NHSL2: variants seen among roughly 807,000 people sequenced by gnomAD.
NHSL2 encodes the protein NHS like 2, also known as NHS-like protein 2.
NHSL2 carries 27 observed loss-of-function variants against 53.4 expected under a neutral mutation model. The ratio of observed to expected loss-of-function variants is 0.51; its 90% CI spans 0.37 to 0.70. NHSL2 has a LOEUF of 0.70. NHSL2 is among the 30% of genes least tolerant of loss of function. The probability of loss-of-function intolerance (pLI) is 0.00; values close to 1 mark genes in which losing one functional copy is unlikely to be tolerated. For missense variants in NHSL2, 892 were observed against 980.1 expected, an observed-to-expected ratio of 0.91 and a Z score of 1.20; for synonymous variants, 408 against 404.1, an observed-to-expected ratio of 1.01 and a Z score of -0.12.
At chrX:72,037,152 G>T (rs2042245141) in intron 1 of NHSL2, among the ~76,000 whole-genome samples, 1 of 112,387 alleles carries the variant, frequency 8.9e-6, no homozygotes, top group Admixed American at 9.4e-5. Flanking sequence ...GGGCACAGTG[G>T]CTCACGCCTG....
rs180723036 is a variant in NHSL2, at chrX:71,976,740, G to C, written c.280+65373G>C. 1.2e-3 allele frequency among the ~76,000 whole-genome samples: 138 copies of C among 112,428 alleles called. 1 individual carries two copies. Among genetic ancestry groups the C allele is most frequent in the Non-Finnish European group, 7.1e-4 (38 of 53,300 alleles). On this transcript the variant is annotated intron_variant, in intron 1 of 7. Transcript: ENST00000633930. ...CCTGGAAGTGGAGGAAGCAGGATTT[G>C]ACTCCAGATCTGTCTGACTAAAGCC...
At chrX:71,923,189 G>A (rs1371030284) in intron 1 of NHSL2, among the ~76,000 whole-genome samples, 1 of 111,496 alleles carries the variant, frequency 9.0e-6, no homozygotes, top group East Asian at 2.8e-4. Context: ...GTCCCCTCCA[G>A]GTAGAGGGAT....
intron 1 of NHSL2, among the ~76,000 whole-genome samples, chrX:71,984,757 T>C (rs866681083): frequency 1.8e-5 from 2 of 111,946 alleles, no homozygotes; most frequent in Non-Finnish European, 3.8e-5. Context: ...TTGTATAAAG[T>C]GCAGCAAGAA....
At position 72,139,997 on chromosome X, in the gene NHSL2, C is replaced by A. The variant is rs748609181; in HGVS notation, c.2449C>A (p.Gln817Lys). The A allele has an allele frequency of 8.3e-7, 1 of 1,210,470 alleles. No individual in the cohort carries two copies. Among genetic ancestry groups the A allele is most frequent in the South Asian group, 1.8e-5 (1 of 56,674 alleles). Residue 817 changes from glutamine (Q) to lysine (K), a missense_variant, in exon 6 of 8, where the codon CAG (glutamine) becomes AAG (lysine). Gln to Lys is a moderately conservative substitution (Grantham distance 53). Coordinates refer to ENST00000633930, the MANE Select transcript of NHSL2 (RefSeq NM_001013627.3). ...GCTGGCCCAGAAAACTAATCCCAAC[C>A]AGCCAATCATGCCTATGGTTACTCA... The part of the protein sequence containing the change: ...VKLAQKTNPN[Q>K]PIMPMVTQSD...
intron 1 of NHSL2, among the ~76,000 whole-genome samples, chrX:71,955,070 G>A (rs1178301875): frequency 8.9e-6 from 1 of 111,798 alleles, no homozygotes. Flanking sequence ...TACCCACCAT[G>A]CCCTAAACGC....
chrX:71,942,972 CTGTGTGTGTGTGTGTGTGTG>C (rs58935869), intron 1 of NHSL2, among the ~76,000 whole-genome samples: 12 of 74,025 alleles, frequency 1.6e-4, no homozygotes, highest in African/African-American at 6.0e-4. Flanking sequence ...CTCTCTCTCT[CTGTGTGTGTGTGTGTGTGTG>C]TGTGTGTGTG....
chrX:72,151,620 C>T lies in NHSL2; in HGVS notation c.*8046C>T, dbSNP rs1362477224. The T allele has an allele frequency of 9.0e-6, 1 of 111,687 alleles. No individual in the cohort carries two copies. The highest frequency in any genetic ancestry group is 3.3e-5 in the African/African-American group (1 of 30,672). The allele number at this position is 111,687 out of a possible 1,213,427, so 9.2% of individuals were successfully genotyped here. A position where few individuals can be genotyped will look rare whatever the true frequency, so the allele number is the denominator to read the frequency against. On this transcript the variant is annotated 3_prime_UTR_variant, in exon 8 of 8. Coordinates refer to ENST00000633930, the MANE Select transcript of NHSL2 (RefSeq NM_001013627.3). ...AGTGTAGAAACCCTCATTTTTTTCCCCAGACCTATCCTTGTTACCCAATGT... is the reference window on the plus strand; with the variant it reads ...AGTGTAGAAACCCTCATTTTTTTCCTCAGACCTATCCTTGTTACCCAATGT...
rs988558297 is a variant in NHSL2 at position 72,062,154 on chromosome X, A to C, written c.281-69925A>C. On this transcript the variant is annotated intron_variant, in intron 1 of 7. Transcript: ENST00000633930. The stretch of plus-strand genomic sequence containing the variant: ...GAGAACAAAGCCTGAAAGATAATAG[A>C]GTGCAATACATGTTTGTTACTTTCT... Among the ~76,000 whole-genome samples the C allele has an allele frequency of 4.5e-5, 5 of 112,282 alleles. No homozygotes were observed. The Admixed American group carries it at 4.7e-4, about 11-fold the overall frequency.
intron 1 of NHSL2, chrX:72,027,592 C>T (rs2042192235): frequency 9.0e-6 from 1 of 111,539 alleles, no homozygotes; most frequent in South Asian, 3.8e-4. Flanking sequence ...CCAGGAGGTT[C>T]CAGAGCCCAG....
intron 1 of NHSL2, among the ~76,000 whole-genome samples, chrX:72,049,045 A>G (rs201070990): frequency 0.04 from 1,287 of 32,307 alleles, 31 homozygotes; most frequent in African/African-American, 0.083. Flanking sequence ...AAGAGGAAGA[A>G]GAAGAAGAAG....
At chrX:71,955,334 G>T (rs1016551293) in intron 1 of NHSL2, among the ~76,000 whole-genome samples, 1 of 111,162 alleles carries the variant, frequency 9.0e-6, no homozygotes, top group Non-Finnish European at 1.9e-5. Context: ...ATGCTGTTTT[G>T]TATTGGTAAA....
At chrX:72,088,779 G>GAAAA (rs2041872216) in intron 1 of NHSL2, among the ~76,000 whole-genome samples, 1 of 111,970 alleles carries the variant, frequency 8.9e-6, no homozygotes, top group Admixed American at 9.4e-5. Context: ...AAAAAGAAAG[G>GAAAA]AAAAAGTTCG....
chrX:72,072,010 C>T (rs987879845), intron 1 of NHSL2, among the ~76,000 whole-genome samples: 1 of 112,318 alleles, frequency 8.9e-6, no homozygotes, highest in African/African-American at 3.2e-5. Flanking sequence ...CTCCTGGGCA[C>T]GCCCAACACA....
chrX:72,021,194 C>T (rs1020342963), intron 1 of NHSL2, among the ~76,000 whole-genome samples: 2 of 112,773 alleles, frequency 1.8e-5, no homozygotes, highest in African/African-American at 6.5e-5. Context: ...TCTCCAATCA[C>T]TTATTCATTT....
At chrX:72,029,584 C>G (rs1285418205) in intron 1 of NHSL2, among the ~76,000 whole-genome samples, 1 of 112,877 alleles carries the variant, frequency 8.9e-6, no homozygotes, top group Non-Finnish European at 1.9e-5. Context: ...AGGGATACCT[C>G]CAAGCTCAAC....
intron 1 of NHSL2, among the ~76,000 whole-genome samples, chrX:71,945,616 T>C (rs1159173466): frequency 8.9e-6 from 1 of 111,999 alleles, no homozygotes; most frequent in Non-Finnish European, 1.9e-5. Context: ...GTTGTTGATA[T>C]AGAAGATAGT....
At chrX:72,079,437 T>C (rs1271942549) in intron 1 of NHSL2, among the ~76,000 whole-genome samples, 1 of 112,297 alleles carries the variant, frequency 8.9e-6, no homozygotes, top group African/African-American at 3.2e-5. Context: ...CCTTTAGCTG[T>C]TGGGCCTTGG....
Position 71,928,505 on chromosome X carries a change from A to C in NHSL2, c.280+17138A>C, listed in dbSNP as rs377748622. On this transcript the variant is annotated intron_variant, in intron 1 of 7. Coordinates refer to ENST00000633930, the MANE Select transcript of NHSL2 (RefSeq NM_001013627.3). Reference sequence around the variant, plus strand: ...GTTGTGATGCTTGGCTTTGGACTGGATCCTTGATGGACATACAGAGTGTGC... The same window carrying C: ...GTTGTGATGCTTGGCTTTGGACTGGCTCCTTGATGGACATACAGAGTGTGC... 4.5e-5 allele frequency among the ~76,000 whole-genome samples: 5 copies of C among 112,200 alleles called. No individual in the cohort carries two copies. In the East Asian group the frequency reaches 1.4e-3, roughly 32 times the overall value.
intron 1 of NHSL2, among the ~76,000 whole-genome samples, chrX:71,969,293 G>C (rs1914260128): frequency 1.0e-5 from 1 of 98,034 alleles, no homozygotes; most frequent in Non-Finnish European, 2.1e-5. Context: ...AAGTTGAACG[G>C]TTTTCTTTTT....
Sources: gnomAD v4.1 joint callset for allele counts (sites outside exome capture counted in the v4.1 genomes callset) on GRCh38, gnomAD v4.1.1 for gene constraint, MANE v1.5 for transcripts, NCBI Gene and HGNC (gene_info 2026-07-23, HGNC 2026-07-21) for gene names.